ASIC2: variants seen among roughly 807,000 people sequenced by gnomAD.
The protein encoded by ASIC2 is acid-sensing ion channel 2.
ASIC2 carries 25 observed loss-of-function variants against 57.3 expected under a neutral mutation model. The observed-to-expected ratio is 0.44, with a 90% CI of 0.32 to 0.61. The LOEUF is 0.61. Ranked by LOEUF, ASIC2 falls within the 20% of genes least tolerant of loss-of-function variation. The probability of loss-of-function intolerance (pLI) is 0.06; values close to 1 mark genes in which losing one functional copy is unlikely to be tolerated. For missense variants in ASIC2, 641 were observed against 738.1 expected (o/e 0.87, Z 1.52); for synonymous variants, 319 against 307.5 (o/e 1.04, Z -0.39).
intron 1 of ASIC2, among the ~76,000 whole-genome samples, chr17:33,207,492 CAAGAAAAGAAACAGGGA>C (rs1291246996): frequency 6.6e-6 from 1 of 152,144 alleles, no homozygotes; most frequent in Non-Finnish European, 1.5e-5. Context: ...GTATTGTAGA[CAAGAAAAGAAACAGGGA>C]CAGACTGTCG....
intron 1 of ASIC2, among the ~76,000 whole-genome samples, chr17:33,733,083 AT>A (rs1356284175): frequency 6.6e-6 from 1 of 152,068 alleles, no homozygotes; most frequent in African/African-American, 2.4e-5. Context: ...CTTGGAGGTT[AT>A]TTATTTTTTT....
chr17:33,020,619 G>C, intron 7 of ASIC2, among the ~76,000 whole-genome samples: 1 of 152,212 alleles, frequency 6.6e-6, no homozygotes, highest in South Asian at 2.1e-4. Flanking sequence ...GATGCCACTG[G>C]AGCCGGGGAG....
At chr17:33,025,278 C>T (rs1031827882) in intron 5 of ASIC2, among the ~76,000 whole-genome samples, 5 of 152,168 alleles carry the variant, frequency 3.3e-5, no homozygotes, top group African/African-American at 1.2e-4. Flanking sequence ...GGGGCTGCAG[C>T]TTGTTTGTGC....
At chr17:33,746,452 ATG>A (rs1273265833) in intron 1 of ASIC2, among the ~76,000 whole-genome samples, 2 of 146,942 alleles carry the variant, frequency 1.4e-5, no homozygotes, top group East Asian at 4.1e-4. Flanking sequence ...ATGTGTATAT[ATG>A]TGTGTATATG....
chr17:33,116,067 A>G (rs1216530019), intron 1 of ASIC2, among the ~76,000 whole-genome samples: 1 of 152,172 alleles, frequency 6.6e-6, no homozygotes, highest in Non-Finnish European at 1.5e-5. Flanking sequence ...CCATGAAGGC[A>G]TTAGAGGAAA....
At chr17:33,680,063 C>T (rs911190022) in intron 1 of ASIC2, among the ~76,000 whole-genome samples, 3 of 152,054 alleles carry the variant, frequency 2.0e-5, no homozygotes, top group Admixed American at 6.6e-5. Context: ...GGACCTTTGA[C>T]GGTCAGAAAT....
chr17:33,805,214 T>C (rs1220951807), intron 1 of ASIC2, among the ~76,000 whole-genome samples: 4 of 152,220 alleles, frequency 2.6e-5, no homozygotes. Flanking sequence ...GATGTTACAG[T>C]TGGCCTGTGT....
intron 8 of ASIC2, among the ~76,000 whole-genome samples, chr17:33,017,099 C>G (rs918022331): frequency 2.0e-5 from 3 of 152,222 alleles, no homozygotes; most frequent in Non-Finnish European, 2.9e-5. Flanking sequence ...CTGCTGTCTT[C>G]TCGCTGAGGA....
At chr17:33,309,695 G>A (rs530479480) in intron 1 of ASIC2, among the ~76,000 whole-genome samples, 2 of 151,748 alleles carry the variant, frequency 1.3e-5, no homozygotes, top group Non-Finnish European at 2.9e-5. Flanking sequence ...GTACATCCCC[G>A]TGTCCATCCC....
chr17:33,459,681 C>G (rs1912570766), intron 1 of ASIC2, among the ~76,000 whole-genome samples: 1 of 152,172 alleles, frequency 6.6e-6, no homozygotes, highest in Non-Finnish European at 1.5e-5. Flanking sequence ...TGGGAACACC[C>G]CTTCGTCAGT....
chr17:33,048,645 C>A (rs1160610), intron 3 of ASIC2, among the ~76,000 whole-genome samples: 59,281 of 152,010 alleles, frequency 0.39, 12,564 homozygotes, highest in Admixed American at 0.55. Context: ...GCAGTTGAGT[C>A]CTTGAAATCT....
At chr17:33,753,976 G>C (rs187414416) in intron 1 of ASIC2, among the ~76,000 whole-genome samples, 24 of 152,276 alleles carry the variant, frequency 1.6e-4, no homozygotes, top group Admixed American at 5.2e-4. Flanking sequence ...TGCCGGAAGA[G>C]AGCGTACATA....
chr17:33,161,303 A>G (rs1478961448), intron 1 of ASIC2, among the ~76,000 whole-genome samples: 1 of 152,168 alleles, frequency 6.6e-6, no homozygotes, highest in East Asian at 1.9e-4. Flanking sequence ...CTCCAGCCAC[A>G]CTAACCTTCT....
intron 1 of ASIC2, among the ~76,000 whole-genome samples, chr17:33,275,810 A>C (rs1904680502): frequency 6.6e-6 from 1 of 152,222 alleles, no homozygotes; most frequent in Non-Finnish European, 1.5e-5. Context: ...ACGGGGTTGC[A>C]GGACATTCCA....
At chr17:33,285,674 C>T (rs12451427) in intron 1 of ASIC2, among the ~76,000 whole-genome samples, 7 of 152,218 alleles carry the variant, frequency 4.6e-5, no homozygotes, top group Admixed American at 1.3e-4. Context: ...AGCTGCAGAA[C>T]GTGCATGTAC....
rs557519917 is a variant in ASIC2 at position 33,809,983 on chromosome 17, G to A, written c.555+345995C>T. ...CCACCATTTTGAATTCCCACCTGCT[G>A]ATCTCATACTTTCAGGGCCCTGAGT... is the stretch of plus-strand genomic sequence containing the variant. On this transcript the variant is annotated intron_variant, in intron 1 of 9. Transcript: ENST00000359872. Among the ~76,000 whole-genome samples the A allele has an allele frequency of 1.6e-3, 244 of 152,248 alleles. 1 individual carries two copies. The highest frequency in any genetic ancestry group is 2.6e-3 in the Non-Finnish European group (176 of 68,016).
intron 1 of ASIC2, among the ~76,000 whole-genome samples, chr17:33,415,601 C>A (rs983007118): frequency 3.5e-4 from 54 of 152,146 alleles, no homozygotes; most frequent in African/African-American, 1.3e-3. Context: ...TTCAAGCCTG[C>A]AGCAGCCAGT....
At chr17:34,032,975 G>T (rs1459711448) in intron 1 of ASIC2, among the ~76,000 whole-genome samples, 1 of 152,132 alleles carries the variant, frequency 6.6e-6, no homozygotes, top group African/African-American at 2.4e-5. Context: ...AGTTAACAAG[G>T]ATATCCAGGA....
At chr17:33,037,496 C>G (rs563560379) in intron 3 of ASIC2, among the ~76,000 whole-genome samples, 21 of 149,652 alleles carry the variant, frequency 1.4e-4, no homozygotes, top group African/African-American at 5.2e-4. Flanking sequence ...AAGCCTCACA[C>G]ACAACAGCAG....
Sources: gnomAD v4.1 joint callset for allele counts (sites outside exome capture counted in the v4.1 genomes callset) on GRCh38, gnomAD v4.1.1 for gene constraint, MANE v1.5 for transcripts, NCBI Gene and HGNC (gene_info 2026-07-23, HGNC 2026-07-21) for gene names.